Variants in POLN observed in about 807,000 individuals in gnomAD.
POLN encodes DNA polymerase N.
A neutral mutation model predicts 113.5 loss-of-function variants in POLN; 108 were observed. The ratio of observed to expected loss-of-function variants is 0.95; its 90% CI spans 0.81 to 1.12. The LOEUF (loss-of-function observed/expected upper bound fraction) is 1.12. Ranked by LOEUF, POLN falls within the 50% of genes most tolerant of loss-of-function variation. POLN has a pLI of 0.00. For synonymous variants in POLN, 386 were observed against 391.5 expected (o/e 0.99, Z 0.17); for missense variants, 1,097 against 1,077.1 (o/e 1.02, Z -0.26).
chr4:2,177,465 T>C (rs1733025228), intron 8 of POLN, among the ~76,000 whole-genome samples: 1 of 152,244 alleles, frequency 6.6e-6, no homozygotes. Context: ...TAATGATTAA[T>C]GGCTGGACTT....
In POLN at chr4:2,080,953, C is replaced by T. The variant is rs1730398570; in HGVS notation, c.2387+5G>A. 6.2e-7 allele frequency: 1 copy of T among 1,613,782 alleles called. No individual in the cohort carries two copies. ...CCAAGCCCTGGGAGACCACCACCCA[C>T]TGACCTGGCCGTCAAGGTGTGGGAA... On this transcript the variant is annotated splice_donor_5th_base_variant and intron_variant, in intron 23 of 25. Coordinates refer to ENST00000511885, the MANE Select transcript of POLN (RefSeq NM_181808.4).
At chr4:2,233,402 A>C (rs1486665462) in intron 2 of POLN, among the ~76,000 whole-genome samples, 4 of 151,986 alleles carry the variant, frequency 2.6e-5, no homozygotes, top group Admixed American at 6.5e-5. Context: ...ATAAGATTAG[A>C]GTGAGATTAC....
intron 6 of POLN, among the ~76,000 whole-genome samples, chr4:2,194,252 G>A (rs1221688600): frequency 6.6e-6 from 1 of 152,138 alleles, no homozygotes; most frequent in East Asian, 1.9e-4. Flanking sequence ...AGCTACCAAA[G>A]CCATCAATCC....
chr4:2,132,357 T>C (rs1169327859), intron 16 of POLN, among the ~76,000 whole-genome samples: 14 of 152,164 alleles, frequency 9.2e-5, no homozygotes, highest in Non-Finnish European at 7.3e-5. Flanking sequence ...AATATCAAAA[T>C]ACAATATCAA....
chr4:2,233,961 G>A (rs1734669353), intron 2 of POLN, among the ~76,000 whole-genome samples: 1 of 151,886 alleles, frequency 6.6e-6, no homozygotes, highest in African/African-American at 2.4e-5. Context: ...AAACCCCAAT[G>A]ACCCTATTTC....
chr4:2,090,166 G>A (rs1730632637), intron 20 of POLN: 1 of 1,003,060 alleles, frequency 1.0e-6, no homozygotes, highest in Non-Finnish European at 1.5e-6. Context: ...AACTTCAGAA[G>A]AAGAAAATAA....
chr4:2,120,465 A>G (rs1577704487), intron 19 of POLN, among the ~76,000 whole-genome samples: 1 of 151,908 alleles, frequency 6.6e-6, no homozygotes, highest in East Asian at 1.9e-4. Flanking sequence ...TGTTTTGTTA[A>G]CTGAAATTTA....
intron 16 of POLN, among the ~76,000 whole-genome samples, chr4:2,147,365 G>A (rs1343812935): frequency 6.6e-6 from 1 of 152,280 alleles, no homozygotes; most frequent in South Asian, 2.1e-4. Context: ...TTCCCATGAG[G>A]AGGCCTTCGT....
At chr4:2,198,264 C>T (rs1017579749) in intron 6 of POLN, among the ~76,000 whole-genome samples, 1 of 152,134 alleles carries the variant, frequency 6.6e-6, no homozygotes, top group Non-Finnish European at 1.5e-5. Flanking sequence ...GCTTTTCTCC[C>T]TAGCTTCTCA....
intron 19 of POLN, among the ~76,000 whole-genome samples, chr4:2,114,189 G>A (rs867560300): frequency 3.3e-5 from 5 of 151,764 alleles, no homozygotes; most frequent in African/African-American, 7.3e-5. Flanking sequence ...ATGAGCCACC[G>A]TGCCCAGCCT....
intron 23 of POLN, chr4:2,080,179 C>G (rs546752331): frequency 9.1e-6 from 9 of 986,392 alleles, no homozygotes; most frequent in Admixed American, 6.1e-5. Context: ...ACAAGGAGAA[C>G]GAGGAGAGGA....
At chr4:2,215,721 A>G (rs1221306610) in intron 3 of POLN, among the ~76,000 whole-genome samples, 3 of 152,174 alleles carry the variant, frequency 2.0e-5, no homozygotes, top group Non-Finnish European at 2.9e-5. Flanking sequence ...CACTGCTCAT[A>G]GCCACTTGCT....
rs1299766911 is a variant in POLN at position 2,193,300 on chromosome 4, T to G, written c.925A>C (p.Thr309Pro). ...ATAACAGGACATTTACATTTCATTG[T>G]TTGAAATAGCACGTTCCTAGAAGAT... ...QQFARNVLFQ[T>P]MKCKCPVICF... Residue 309 changes from threonine (T) to proline (P), a missense_variant, in exon 7 of 26, where the codon ACA becomes CCA. Physicochemically the swap from Thr to Pro is conservative, Grantham distance 38. Coordinates refer to ENST00000511885, the MANE Select transcript of POLN (RefSeq NM_181808.4). 1.2e-6 allele frequency: 2 copies of G among 1,600,388 alleles called. No homozygotes were observed. Among genetic ancestry groups the G allele is most frequent in the East Asian group, 4.5e-5 (2 of 44,498 alleles).
intron 19 of POLN, among the ~76,000 whole-genome samples, chr4:2,114,854 G>A (rs147316175): frequency 3.0e-4 from 45 of 151,774 alleles, no homozygotes; most frequent in African/African-American, 1.0e-3. Flanking sequence ...TTCTGCTTGT[G>A]AGATGCCAAA....
rs564048728 is a variant in POLN at position 2,239,013 on chromosome 4, T to A, written c.-13+2507A>T. The A allele has an allele frequency of 6.5e-6, 10 of 1,540,630 alleles. No homozygotes were observed. Among genetic ancestry groups the A allele is most frequent in the Non-Finnish European group, 7.8e-6 (9 of 1,149,600 alleles). ...ATAATCTCACTGGTCAAGCTAGAAA[T>A]TTTAGCATCCAAATTTTCTTTGTCC... On this transcript the variant is annotated intron_variant, in intron 2 of 25. Coordinates refer to ENST00000511885, the MANE Select transcript of POLN (RefSeq NM_181808.4).
intron 2 of POLN, chr4:2,229,545 C>T (rs1734502102): frequency 5.3e-6 from 1 of 187,590 alleles, no homozygotes; most frequent in East Asian, 1.5e-4. Flanking sequence ...TTCAAATAGG[C>T]TGAGCGCGGA....
In POLN at chr4:2,145,076, T is replaced by C. The variant is rs58851363; in HGVS notation, c.1731+11712A>G. Among the ~76,000 whole-genome samples the C allele has an allele frequency of 2.2e-3, 329 of 152,262 alleles. 1 individual carries two copies. The highest frequency in any genetic ancestry group is 7.5e-3 in the African/African-American group (311 of 41,556). ...AATAACAATAGCTATAACAAACAGT[T>C]ACCCAAATGGAAAAATAATCAGATC... On this transcript the variant is annotated intron_variant, in intron 16 of 25. Coordinates refer to ENST00000511885, the MANE Select transcript of POLN (RefSeq NM_181808.4).
chr4:2,163,993 T>C (rs1276021816), intron 13 of POLN, among the ~76,000 whole-genome samples: 1 of 152,218 alleles, frequency 6.6e-6, no homozygotes, highest in Non-Finnish European at 1.5e-5. Flanking sequence ...AGTGGCTGTA[T>C]CTATTTGCCC....
chr4:2,219,151 A>C (rs1004460758), intron 3 of POLN, among the ~76,000 whole-genome samples: 1 of 152,196 alleles, frequency 6.6e-6, no homozygotes, highest in African/African-American at 2.4e-5. Context: ...GGGGACTTGG[A>C]AAATGGCTTC....
Sources: gnomAD v4.1 joint callset for allele counts (sites outside exome capture counted in the v4.1 genomes callset) on GRCh38, gnomAD v4.1.1 for gene constraint, MANE v1.5 for transcripts, NCBI Gene and HGNC (gene_info 2026-07-23, HGNC 2026-07-21) for gene names.